ADK: variants seen among roughly 807,000 people sequenced by gnomAD.
ADK encodes N6,N6-dimethyladenosine kinase.
ADK carries 24 observed loss-of-function variants against 44.7 expected under a neutral mutation model. That is an observed-to-expected ratio of 0.54 (90% confidence interval 0.39 to 0.76). The LOEUF (loss-of-function observed/expected upper bound fraction) is 0.76. Among genes scored for constraint, ADK ranks in the 30% least tolerant of loss-of-function variants. The probability of loss-of-function intolerance (pLI) is 0.00; values close to 1 mark genes in which losing one functional copy is unlikely to be tolerated. For missense variants in ADK, 321 were observed against 425.1 expected, an observed-to-expected ratio of 0.76 and a Z score of 2.15; for synonymous variants, 128 against 142.6, an observed-to-expected ratio of 0.90 and a Z score of 0.73.
chr10:74,504,681 C>T (rs73272282), intron 6 of ADK, among the ~76,000 whole-genome samples: 4,521 of 152,128 alleles, frequency 0.03, 194 homozygotes, highest in African/African-American at 0.091. Context: ...AAGGGAGGGA[C>T]CTGTTAGGAG....
At chr10:74,346,617 T>G (rs1841774788) in intron 4 of ADK, among the ~76,000 whole-genome samples, 1 of 152,124 alleles carries the variant, frequency 6.6e-6, no homozygotes, top group South Asian at 2.1e-4. Flanking sequence ...AAGGATCGAG[T>G]AGCTCTGCAG....
intron 4 of ADK, chr10:74,371,859 A>G (rs765395595): frequency 4.6e-4 from 632 of 1,381,972 alleles, no homozygotes; most frequent in Non-Finnish European, 6.1e-4. Context: ...TGGAACCTTC[A>G]CTAACCACAT....
At chr10:74,674,655 G>A (rs1261435813) in intron 10 of ADK, among the ~76,000 whole-genome samples, 2 of 152,166 alleles carry the variant, frequency 1.3e-5, no homozygotes, top group East Asian at 3.8e-4. Context: ...GCCGAAGCAT[G>A]TGGATCACTT....
chr10:74,251,129 C>G (rs1845635718), intron 3 of ADK, among the ~76,000 whole-genome samples: 1 of 152,092 alleles, frequency 6.6e-6, no homozygotes, highest in Admixed American at 6.6e-5. Context: ...TTAGTGTCTG[C>G]ATAATTAAAT....
intron 9 of ADK, among the ~76,000 whole-genome samples, chr10:74,615,217 T>C (rs1371797589): frequency 6.6e-6 from 1 of 152,214 alleles, no homozygotes; most frequent in Non-Finnish European, 1.5e-5. Flanking sequence ...AGCCCAATAG[T>C]GTCCAGTCAA....
Position 74,441,767 on chromosome 10 carries a change from A to T in ADK, c.555+43188A>T, listed in dbSNP as rs1447182933. 2.6e-5 allele frequency among the ~76,000 whole-genome samples: 4 copies of T among 152,194 alleles called. 1 individual carries two copies. Among genetic ancestry groups the T allele is most frequent in the Non-Finnish European group, 5.9e-5 (4 of 68,014 alleles). On this transcript the variant is annotated intron_variant, in intron 6 of 10. Coordinates refer to ENST00000539909, the MANE Select transcript of ADK (RefSeq NM_006721.4). ...ACAGCAAAGGAGACAACAAAAGAAA[A>T]GGCAACTCACAGAATGGGAGAAAAT...
At chr10:74,577,467 TTCTTA>T (rs1372357370) in intron 7 of ADK, among the ~76,000 whole-genome samples, 2 of 152,112 alleles carry the variant, frequency 1.3e-5, no homozygotes, top group African/African-American at 2.4e-5. Context: ...AGATTTTTTT[TTCTTA>T]TCTTTTTTCT....
chr10:74,594,123 G>A (rs1851812266), intron 8 of ADK, among the ~76,000 whole-genome samples: 1 of 151,562 alleles, frequency 6.6e-6, no homozygotes, highest in African/African-American at 2.4e-5. Flanking sequence ...ACTCGTAAGT[G>A]GGAATTGAAC....
chr10:74,500,988 C>T (rs1363250988), intron 6 of ADK, among the ~76,000 whole-genome samples: 7 of 152,162 alleles, frequency 4.6e-5, no homozygotes, highest in African/African-American at 1.7e-4. Context: ...AATGATTTCA[C>T]ATTTAGCTTT....
intron 3 of ADK, among the ~76,000 whole-genome samples, chr10:74,243,737 CT>C (rs1375513268): frequency 2.0e-5 from 3 of 152,162 alleles, no homozygotes; most frequent in Non-Finnish European, 4.4e-5. Flanking sequence ...GTGGTGCACA[CT>C]TGTGGTCCCA....
At chr10:74,463,353 TTCCTG>T (rs1846237138) in intron 6 of ADK, among the ~76,000 whole-genome samples, 2 of 152,296 alleles carry the variant, frequency 1.3e-5, no homozygotes, top group South Asian at 4.1e-4. Flanking sequence ...TGAACTTGTT[TTCCTG>T]CAACTAGACA....
intron 6 of ADK, among the ~76,000 whole-genome samples, chr10:74,515,549 G>T (rs1238193704): frequency 6.6e-6 from 1 of 152,204 alleles, no homozygotes; most frequent in Non-Finnish European, 1.5e-5. Context: ...GATATTCCCT[G>T]TGGCACGGGG....
chr10:74,533,065 C>G (rs924106332), intron 7 of ADK, among the ~76,000 whole-genome samples: 6 of 151,786 alleles, frequency 4.0e-5, no homozygotes, highest in Non-Finnish European at 8.8e-5. Flanking sequence ...CCAATACCAT[C>G]AAAAAGTATA....
intron 3 of ADK, among the ~76,000 whole-genome samples, chr10:74,259,295 A>G (rs1453248601): frequency 6.6e-6 from 1 of 151,666 alleles, no homozygotes; most frequent in Non-Finnish European, 1.5e-5. Flanking sequence ...ATGTGCACAA[A>G]TGTATTTTTT....
chr10:74,528,341 G>A (rs1385991610), intron 7 of ADK: 1 of 179,716 alleles, frequency 5.6e-6, no homozygotes, highest in Non-Finnish European at 1.2e-5. Flanking sequence ...TAAAAAGAAG[G>A]TGGAAAATGT....
In ADK at chr10:74,573,040, T is replaced by A. The variant is rs184940443; in HGVS notation, c.727-16242T>A. Among the ~76,000 whole-genome samples, 552 of 152,374 alleles carry A rather than the reference T, an allele frequency of 3.6e-3. 3 individuals are homozygous for A. The highest frequency in any genetic ancestry group is 0.012 in the African/African-American group (517 of 41,588). ...TCTCCATCCAGCTTTGTTCCGTTGC[T>A]GCTGAGGAGCTGCGTTCCTTTGGAG... On this transcript the variant is annotated intron_variant, in intron 7 of 10. Transcript: ENST00000539909.
chr10:74,211,754 A>T (rs1843820040), intron 2 of ADK, among the ~76,000 whole-genome samples: 1 of 152,172 alleles, frequency 6.6e-6, no homozygotes, highest in Non-Finnish European at 1.5e-5. Context: ...ATTTTATTTC[A>T]TGTTAATTAA....
intron 1 of ADK, among the ~76,000 whole-genome samples, chr10:74,195,461 A>G (rs1041118779): frequency 6.6e-6 from 1 of 152,010 alleles, no homozygotes; most frequent in Non-Finnish European, 1.5e-5. Flanking sequence ...CTATTTCAAG[A>G]TATCTTTTAT....
intron 3 of ADK, among the ~76,000 whole-genome samples, chr10:74,235,128 C>CT (rs35193175): frequency 0.51 from 65,720 of 129,956 alleles, 17,058 homozygotes; most frequent in Non-Finnish European, 0.58. Context: ...GAAATTATCC[C>CT]TTTTTTTTTT....
Sources: gnomAD v4.1 joint callset for allele counts (sites outside exome capture counted in the v4.1 genomes callset) on GRCh38, gnomAD v4.1.1 for gene constraint, MANE v1.5 for transcripts, NCBI Gene and HGNC (gene_info 2026-07-23, HGNC 2026-07-21) for gene names.